GSE1: variants seen among roughly 807,000 people sequenced by gnomAD.
GSE1 encodes the protein Gse1 coiled-coil protein, also known as genetic suppressor element 1.
In GSE1, 32 loss-of-function variants were observed where a neutral mutation model predicts 112.6. The observed-to-expected ratio is 0.28, with a 90% CI of 0.21 to 0.38. The LOEUF is 0.38. GSE1 is among the 10% of genes least tolerant of loss of function. The probability of loss-of-function intolerance (pLI) is 1.00; values close to 1 mark genes in which losing one functional copy is unlikely to be tolerated. For missense variants in GSE1, 2,348 were observed against 1,699.2 expected (o/e 1.38, Z -6.71); for synonymous variants, 1,115 against 735.6 (o/e 1.52, Z -8.35).
chr16:85,375,483 A>G (rs942948361), intron 2 of GSE1, among the ~76,000 whole-genome samples: 2 of 152,214 alleles, frequency 1.3e-5, no homozygotes, highest in Non-Finnish European at 2.9e-5. Context: ...AAAGAGCCAC[A>G]GCTGGGCAGC....
intron 1 of GSE1, among the ~76,000 whole-genome samples, chr16:85,181,975 GT>G (rs1207880719): frequency 3.3e-5 from 5 of 152,228 alleles, no homozygotes; most frequent in Admixed American, 6.5e-5. Flanking sequence ...TCTCACGGCT[GT>G]ACACTGTTCT....
At chr16:85,670,089 TATTAC>T (rs2053207064) in intron 14 of GSE1, among the ~76,000 whole-genome samples, 1 of 152,260 alleles carries the variant, frequency 6.6e-6, no homozygotes, top group South Asian at 2.1e-4. Flanking sequence ...GGTACAAAAC[TATTAC>T]ATCATTTTTG....
In GSE1 at chr16:85,170,188, G is replaced by C. The variant is rs1208041520; in HGVS notation, c.664G>C (p.Gly222Arg). ...GAGGCCGGCTCCGGGACCCGCTCCG[G>C]GACAGGGCGCAGAGGCCTCGGCGCA... The change falls in exon 1 of 3, where the codon GGA (glycine) becomes CGA (arginine). Residue 222 changes from glycine (G) to arginine (R), a missense_variant. Transcript: ENST00000637419. 6 of 985,290 alleles carry C rather than the reference G, an allele frequency of 6.1e-6. No homozygotes were observed. The African/African-American group carries it at 8.7e-5, about 14-fold the overall frequency. The allele number at this position is 985,290 out of a possible 1,614,324, so 61.0% of individuals were successfully genotyped here.
chr16:85,612,490 G>C (rs1000535092), upstream of GSE1, among the ~76,000 whole-genome samples: 1 of 152,162 alleles, frequency 6.6e-6, no homozygotes, highest in African/African-American at 2.4e-5. Context: ...CGCAACCCCA[G>C]CTACTTAATG....
chr16:85,349,335 C>G (rs1240966563), intron 1 of GSE1, among the ~76,000 whole-genome samples: 1 of 152,182 alleles, frequency 6.6e-6, no homozygotes, highest in Non-Finnish European at 1.5e-5. Context: ...TTCTGACACA[C>G]TAGCTTGCAG....
At chr16:85,349,588 G>A (rs900507084) in intron 1 of GSE1, among the ~76,000 whole-genome samples, 27 of 152,036 alleles carry the variant, frequency 1.8e-4, no homozygotes, top group African/African-American at 3.1e-4. Context: ...GGCTGTGCCC[G>A]CCGCCCTCCC....
intron 1 of GSE1, among the ~76,000 whole-genome samples, chr16:85,556,629 G>A (rs1230192933): frequency 1.3e-5 from 2 of 150,762 alleles, no homozygotes; most frequent in Non-Finnish European, 3.0e-5. Flanking sequence ...CCTTTTGTCT[G>A]CCGGGAGCCG....
At chr16:85,636,693 G>A (rs1009781888) in intron 2 of GSE1, among the ~76,000 whole-genome samples, 1 of 152,252 alleles carries the variant, frequency 6.6e-6, no homozygotes, top group Non-Finnish European at 1.5e-5. Context: ...CTTCCCGGGG[G>A]GGGGCTGGGA....
At position 85,370,042 on chromosome 16, in the gene GSE1, G is replaced by A. The variant is rs71389116; in HGVS notation, c.2464+12399G>A. ...GTAACTCCCGAGTTTAGAGCTGGGA[G>A]GGCAGCCCTCTAGGTGGTCCCTGCG... On this transcript the variant is annotated intron_variant, in intron 2 of 2. Transcript: ENST00000637419. 2.2e-3 allele frequency among the ~76,000 whole-genome samples: 333 copies of A among 152,290 alleles called. 2 individuals carry two copies. Among genetic ancestry groups the A allele is most frequent in the South Asian group, 0.016 (77 of 4,822 alleles).
intron 1 of GSE1, among the ~76,000 whole-genome samples, chr16:85,568,615 C>G (rs1031022037): frequency 3.3e-5 from 5 of 152,218 alleles, no homozygotes; most frequent in African/African-American, 1.2e-4. Flanking sequence ...GTGGCTAGAG[C>G]AGGCAGCCAG....
intron 1 of GSE1, among the ~76,000 whole-genome samples, chr16:85,196,070 C>T (rs953217250): frequency 1.3e-5 from 2 of 152,200 alleles, no homozygotes; most frequent in East Asian, 1.9e-4. Context: ...TGAGTATTCA[C>T]GCCCAGTGGG....
intron 2 of GSE1, among the ~76,000 whole-genome samples, chr16:85,440,588 C>CA (rs1377542722): frequency 6.6e-6 from 1 of 152,256 alleles, no homozygotes; most frequent in Non-Finnish European, 1.5e-5. Flanking sequence ...TTAACTTTGC[C>CA]AAGGGCCACA....
chr16:85,501,010 T>TTG (rs1555522886), intron 2 of GSE1, among the ~76,000 whole-genome samples: 3 of 137,692 alleles, frequency 2.2e-5, no homozygotes, highest in African/African-American at 8.4e-5. Flanking sequence ...TTTTTTTTTT[T>TTG]TTTTTTTTTT....
intron 2 of GSE1, among the ~76,000 whole-genome samples, chr16:85,465,858 A>G (rs954208712): frequency 3.3e-5 from 5 of 152,262 alleles, no homozygotes; most frequent in African/African-American, 1.2e-4. Context: ...TCATATGACT[A>G]GAGAGTAACC....
chr16:85,259,309 C>T (rs1457707857), intron 1 of GSE1, among the ~76,000 whole-genome samples: 1 of 151,484 alleles, frequency 6.6e-6, no homozygotes, highest in Non-Finnish European at 1.5e-5. Flanking sequence ...CACCCTGGCC[C>T]ACCCTGTGCT....
intron 2 of GSE1, among the ~76,000 whole-genome samples, chr16:85,408,689 C>CT (rs1385605719): frequency 3.9e-5 from 2 of 51,080 alleles, no homozygotes; most frequent in Non-Finnish European, 7.4e-5. Flanking sequence ...CAGGGCCCCC[C>CT]GGATAATCCT....
chr16:85,661,946 C>T (rs1034690285), intron 9 of GSE1, among the ~76,000 whole-genome samples, 181 bp downstream of exon 9: 1 of 152,326 alleles, frequency 6.6e-6, no homozygotes, highest in South Asian at 2.1e-4. Context: ...GTAGGGGAGG[C>T]AGACCCTAGT....
intron 2 of GSE1, among the ~76,000 whole-genome samples, chr16:85,532,383 C>T (rs1317144671): frequency 6.6e-6 from 1 of 152,188 alleles, no homozygotes; most frequent in Non-Finnish European, 1.5e-5. Flanking sequence ...GACTCAGCCT[C>T]CCGAGTAGCT....
intron 2 of GSE1, among the ~76,000 whole-genome samples, chr16:85,397,598 T>C (rs963543440): frequency 1.3e-5 from 2 of 152,192 alleles, no homozygotes; most frequent in African/African-American, 2.4e-5. Context: ...TCACCTTCCA[T>C]GCAGGGAGCC....
Sources: gnomAD v4.1 joint callset for allele counts (sites outside exome capture counted in the v4.1 genomes callset) on GRCh38, gnomAD v4.1.1 for gene constraint, MANE v1.5 for transcripts, NCBI Gene and HGNC (gene_info 2026-07-23, HGNC 2026-07-21) for gene names.